The following GLI3 variants were observed in gnomAD, a reference collection of about 807,000 sequenced individuals.
GLI3 encodes GLI family zinc finger 3.
A neutral mutation model predicts 100.8 loss-of-function variants in GLI3; 20 were observed. The observed-to-expected ratio is 0.20, with a 90% confidence interval of 0.14 to 0.29. The LOEUF (loss-of-function observed/expected upper bound fraction) is 0.29, where lower values mean the gene tolerates loss of function less well. GLI3 is among the 10% of genes least tolerant of loss of function. The pLI is 1.00. For missense variants in GLI3, 2,040 were observed against 2,128.5 expected, an observed-to-expected ratio of 0.96 and a Z score of 0.82; for synonymous variants, 938 against 860.5, an observed-to-expected ratio of 1.09 and a Z score of -1.58.
intron 10 of GLI3, among the ~76,000 whole-genome samples, chr7:42,000,838 G>T (rs1788266788): frequency 6.6e-6 from 1 of 152,020 alleles, no homozygotes. Flanking sequence ...GTGGAATAAA[G>T]GAAACTGAGA....
chr7:42,147,538 G>A (rs1786743782), intron 3 of GLI3, among the ~76,000 whole-genome samples: 1 of 152,114 alleles, frequency 6.6e-6, no homozygotes, highest in South Asian at 2.1e-4. Context: ...CTAGAAACAG[G>A]TCAGAAATAA....
intron 1 of GLI3, among the ~76,000 whole-genome samples, chr7:42,243,958 C>T (rs1410082978): frequency 4.6e-5 from 7 of 152,104 alleles, no homozygotes; most frequent in Admixed American, 2.0e-4. Flanking sequence ...CTCAGCCTCC[C>T]GAGTAGCTGG....
chr7:42,135,145 T>C (rs1261346684), intron 3 of GLI3, among the ~76,000 whole-genome samples: 1 of 152,192 alleles, frequency 6.6e-6, no homozygotes, highest in Non-Finnish European at 1.5e-5. Flanking sequence ...TGTTTCTTAT[T>C]TTCTCTCCCC....
intron 2 of GLI3, among the ~76,000 whole-genome samples, chr7:42,156,304 T>C (rs1217850162): frequency 6.6e-6 from 1 of 152,230 alleles, no homozygotes; most frequent in Non-Finnish European, 1.5e-5. Context: ...ATTAGTCTGC[T>C]ATTAGTTGCC....
rs1156565962 is a variant in GLI3 at position 42,148,409 on chromosome 7, G to A, written c.184C>T (p.Pro62Ser). The A allele has an allele frequency of 6.2e-7, 1 of 1,613,826 alleles. No homozygotes were observed. Among genetic ancestry groups the A allele is most frequent in the Non-Finnish European group, 8.5e-7 (1 of 1,179,722 alleles). Residue 62 changes from proline to serine, a missense_variant, in exon 3 of 15, where the codon CCA becomes TCA. By Grantham distance (74) the Pro-to-Ser change is moderately conservative. Coordinates refer to ENST00000395925, the MANE Select transcript of GLI3 (RefSeq NM_000168.6). Reference protein sequence around the residue: ...RERRNAITMQPQNVQGLSKVS... With the variant: ...RERRNAITMQSQNVQGLSKVS... Reference sequence around the variant, plus strand: ...TTGCTGAGCCCCTGGACATTCTGTGGCTGCATAGTGATTGCGTTTCTTCTC... The same window carrying A: ...TTGCTGAGCCCCTGGACATTCTGTGACTGCATAGTGATTGCGTTTCTTCTC...
chr7:42,114,593 A>T (rs1785801037), intron 3 of GLI3, among the ~76,000 whole-genome samples: 1 of 152,158 alleles, frequency 6.6e-6, no homozygotes, highest in African/African-American at 2.4e-5. Flanking sequence ...AGTTCCAAGA[A>T]CCCTAAGGTC....
intron 10 of GLI3, among the ~76,000 whole-genome samples, chr7:42,017,875 CTGTT>C (rs1202182756): frequency 1.3e-5 from 2 of 152,226 alleles, no homozygotes; most frequent in Non-Finnish European, 2.9e-5. Flanking sequence ...GACCCTCTGT[CTGTT>C]TCTCATTAGA....
At chr7:42,020,270 G>T (rs1788898862) in intron 10 of GLI3, among the ~76,000 whole-genome samples, 2 of 152,178 alleles carry the variant, frequency 1.3e-5, no homozygotes, top group South Asian at 4.1e-4. Flanking sequence ...TTGCTAATGT[G>T]AAACACATGT....
intron 3 of GLI3, among the ~76,000 whole-genome samples, chr7:42,085,098 G>T (rs537382309): frequency 7.5e-4 from 114 of 151,848 alleles, no homozygotes; most frequent in African/African-American, 2.1e-3. Flanking sequence ...TTTTAGTAGA[G>T]ACAAGGATTC....
chr7:42,234,682 C>T (rs1788755633), intron 1 of GLI3, among the ~76,000 whole-genome samples: 1 of 152,100 alleles, frequency 6.6e-6, no homozygotes, highest in Non-Finnish European at 1.5e-5. Flanking sequence ...ATAATACAAT[C>T]TATATCTTTA....
rs1353652667 is a variant in GLI3, at chr7:42,058,794, GC to G, written c.474-10099del. ...TACAAGAGCAGTGCAATTGTTTATA[GC>G]TAAAATTGATTTCATTCCTTCCAGG... On this transcript the variant is annotated intron_variant, in intron 4 of 14. Transcript: ENST00000395925. 2.0e-5 allele frequency among the ~76,000 whole-genome samples: 3 copies of G among 152,194 alleles called. No individual in the cohort carries two copies. In the East Asian group the frequency reaches 5.8e-4, roughly 29 times the overall value.
At chr7:42,071,124 G>A (rs1038316603) in intron 4 of GLI3, among the ~76,000 whole-genome samples, 1 of 152,094 alleles carries the variant, frequency 6.6e-6, no homozygotes, top group African/African-American at 2.4e-5. Context: ...TGTAGAGCAT[G>A]GGCTCAGCCT....
Position 41,962,631 on chromosome 7 carries a change from C to T in GLI3, c.*1699G>A, listed in dbSNP as rs1787039413. 6.6e-6 allele frequency: 1 copy of T among 152,196 alleles called. No homozygotes were observed. The highest frequency in any genetic ancestry group is 6.5e-5 in the Admixed American group (1 of 15,278). The allele number at this position is 152,196 out of a possible 1,614,324, so 9.4% of individuals were successfully genotyped here. The stretch of plus-strand genomic sequence containing the variant: ...CCAAAGTCCCCAGTGGCAAATCAAC[C>T]TCCATGCGGAGATTCTTGGTCCAAA... On this transcript the variant is annotated 3_prime_UTR_variant, in exon 15 of 15. Coordinates refer to ENST00000395925, the MANE Select transcript of GLI3 (RefSeq NM_000168.6).
intron 10 of GLI3, among the ~76,000 whole-genome samples, chr7:41,987,214 G>A (rs1787856087): frequency 6.6e-6 from 1 of 151,852 alleles, no homozygotes; most frequent in African/African-American, 2.4e-5. Flanking sequence ...TGTTGCCCAG[G>A]CTGGAGTGCA....
At position 42,082,088 on chromosome 7, in the gene GLI3, G is replaced by A. The variant is rs139537260; in HGVS notation, c.368-5231C>T. Among the ~76,000 whole-genome samples the A allele has an allele frequency of 5.3e-3, 803 of 151,860 alleles. 6 individuals carry two copies. The highest frequency in any genetic ancestry group is 6.8e-3 in the Non-Finnish European group (460 of 67,962). Reference sequence around the variant, plus strand: ...GCAGAAATATCATTAAACAGCATCCGCTATGCTACAACCAAAATCACCATC... The same window carrying A: ...GCAGAAATATCATTAAACAGCATCCACTATGCTACAACCAAAATCACCATC... On this transcript the variant is annotated intron_variant, in intron 3 of 14. Transcript: ENST00000395925.
intron 6 of GLI3, among the ~76,000 whole-genome samples, chr7:42,041,646 T>TA (rs908104173): frequency 1.7e-4 from 25 of 151,468 alleles, no homozygotes; most frequent in South Asian, 1.3e-3. Flanking sequence ...TTTCTTTATT[T>TA]AAAAAAAAAT....
chr7:41,970,624 A>G (rs956445181), intron 13 of GLI3, among the ~76,000 whole-genome samples: 8 of 152,190 alleles, frequency 5.3e-5, no homozygotes, highest in Non-Finnish European at 8.8e-5. Flanking sequence ...AATGTTGCTG[A>G]GCCAAATCGC....
Position 42,170,491 on chromosome 7 carries a change from C to T in GLI3, c.125-22023G>A, listed in dbSNP as rs568087762. On this transcript the variant is annotated intron_variant, in intron 2 of 14. Transcript: ENST00000395925. ...AATCTCCGCTCACTGCAAGCTCCGC[C>T]TCCTGGGTTCAAGCCATTCTCCTGC... Among the ~76,000 whole-genome samples the T allele has an allele frequency of 5.0e-4, 75 of 148,830 alleles. 1 individual carries two copies. Among genetic ancestry groups the T allele is most frequent in the Middle Eastern group, 3.5e-3 (1 of 288 alleles).
intron 3 of GLI3, among the ~76,000 whole-genome samples, chr7:42,087,516 C>A (rs1785127853): frequency 6.6e-6 from 1 of 152,176 alleles, no homozygotes; most frequent in Non-Finnish European, 1.5e-5. Flanking sequence ...TCAGCAATCA[C>A]AATCCTGGTT....
Sources: gnomAD v4.1 joint callset for allele counts (sites outside exome capture counted in the v4.1 genomes callset) on GRCh38, gnomAD v4.1.1 for gene constraint, MANE v1.5 for transcripts, NCBI Gene and HGNC (gene_info 2026-07-23, HGNC 2026-07-21) for gene names.